MBP: variants seen among roughly 807,000 people sequenced by gnomAD.
MBP encodes the protein Golli-MBP.
A neutral mutation model predicts 35.8 loss-of-function variants in MBP; 16 were observed. That is an observed-to-expected ratio of 0.45 (90% CI 0.30 to 0.68). The LOEUF is 0.68. Ranked by LOEUF, MBP falls within the 30% of genes least tolerant of loss-of-function variation. MBP has a pLI of 0.08. For missense variants in MBP, 380 were observed against 404.7 expected (o/e 0.94, Z 0.52); for synonymous variants, 143 against 159.6 (o/e 0.90, Z 0.78).
chr18:77,014,976 G>T (rs1194521835), intron 4 of MBP: 1 of 984,788 alleles, frequency 1.0e-6, no homozygotes, highest in African/African-American at 1.7e-5. Flanking sequence ...ATGGGTCCTT[G>T]ATAATTGGCC....
At position 77,048,647 on chromosome 18, in the gene MBP, TGA is replaced by T. The variant is rs565364854; in HGVS notation, c.139+17649_139+17650del. On this transcript the variant is annotated intron_variant, in intron 3 of 8. Coordinates refer to ENST00000355994, the MANE Select transcript of MBP (RefSeq NM_001025101.2). ...GCCGGCTAATTTTTGTATTTTTAGT[TGA>T]GACGGGGTTTCACCATGTTGGTCAG... Among the ~76,000 whole-genome samples, 276 of 151,968 alleles carry T rather than the reference TGA, an allele frequency of 1.8e-3. 1 individual carries two copies. The highest frequency in any genetic ancestry group is 6.4e-3 in the African/African-American group (264 of 41,436).
chr18:77,130,754 C>T (rs376470788), intron 1 of MBP, among the ~76,000 whole-genome samples: 2 of 151,686 alleles, frequency 1.3e-5, no homozygotes, highest in South Asian at 4.2e-4. Flanking sequence ...CTAGGACCAC[C>T]ACTGACCAAA....
chr18:77,131,077 ACGCACG>A lies in MBP; in HGVS notation c.-26+1497_-26+1502del, dbSNP rs372586722. Among the ~76,000 whole-genome samples, 25,912 of 132,946 alleles carry A rather than the reference ACGCACG, an allele frequency of 0.19. 2,644 individuals carry two copies. Among genetic ancestry groups the A allele is most frequent in the Middle Eastern group, 0.27 (76 of 282 alleles). The allele number at this position is 132,946 out of a possible 152,430, so 87.2% of individuals were successfully genotyped here. Reference sequence around the variant, plus strand: ...AAAAACAAAACACACACACGCGCGCACGCACGCGCACACACACACACACACACACAC... The same window carrying A: ...AAAAACAAAACACACACACGCGCGCACGCACACACACACACACACACACAC... On this transcript the variant is annotated intron_variant, in intron 1 of 8. Coordinates refer to ENST00000355994, the MANE Select transcript of MBP (RefSeq NM_001025101.2). The surrounding 1 kb of genome is among the most constrained non-coding windows in gnomAD (Gnocchi z 5.5).
chr18:77,029,476 A>G (rs1416847427), intron 3 of MBP, among the ~76,000 whole-genome samples: 3 of 139,586 alleles, frequency 2.1e-5, no homozygotes, highest in Non-Finnish European at 3.1e-5. Flanking sequence ...GAGGGACCCC[A>G]GCTAATTTTT....
rs1163421846 is a variant in MBP at position 76,987,982 on chromosome 18, C to G, written c.750+513G>C. On this transcript the variant is annotated intron_variant, in intron 7 of 8. Coordinates refer to ENST00000355994, the MANE Select transcript of MBP (RefSeq NM_001025101.2). ...GTTTTAATTATTATTTAAACACATA[C>G]AAAACAAAAATCTTTGGATTAATGA... 14 of 1,249,802 alleles carry G rather than the reference C, an allele frequency of 1.1e-5. No individual in the cohort carries two copies. The East Asian group carries it at 5.5e-4, about 49-fold the overall frequency. 77.4% of individuals were successfully genotyped at this position (1,249,802 alleles called of 1,614,324 possible).
At chr18:77,079,156 G>C (rs551496302) in intron 2 of MBP, among the ~76,000 whole-genome samples, 12 of 152,378 alleles carry the variant, frequency 7.9e-5, no homozygotes, top group Non-Finnish European at 1.5e-4. Context: ...AGAGTGGCTG[G>C]TAAAGGGTCT....
At chr18:77,072,213 A>G (rs1195680103) in intron 2 of MBP, among the ~76,000 whole-genome samples, 1 of 152,132 alleles carries the variant, frequency 6.6e-6, no homozygotes. Flanking sequence ...AAATCTGAAT[A>G]TGGCCTGGTG....
chr18:77,030,395 G>C (rs1288503619), intron 3 of MBP, among the ~76,000 whole-genome samples: 1 of 152,142 alleles, frequency 6.6e-6, no homozygotes, highest in Non-Finnish European at 1.5e-5. Context: ...CTCCACACAG[G>C]GACGGGAAGG....
intron 4 of MBP, among the ~76,000 whole-genome samples, chr18:76,999,989 C>T (rs543817308): frequency 5.9e-5 from 9 of 152,040 alleles, no homozygotes; most frequent in South Asian, 2.1e-4. Context: ...GACACAGGGC[C>T]GCACCTTGTG....
intron 4 of MBP, among the ~76,000 whole-genome samples, chr18:77,008,445 TCA>T (rs1385782276): frequency 1.3e-5 from 2 of 152,102 alleles, no homozygotes; most frequent in Non-Finnish European, 2.9e-5. Flanking sequence ...AAGTGCGGCT[TCA>T]CAACCAGGAC....
rs58890565 is a variant in MBP, at chr18:77,081,499, T to C, written c.52-15114A>G. ...TAAGGAAATGCAAATCAAACCACCA[T>C]GAGATACCACCTATAGGATGGCTAG... is the stretch of plus-strand genomic sequence containing the variant. On this transcript the variant is annotated intron_variant, in intron 2 of 8. Transcript: ENST00000355994. 1.1e-3 allele frequency among the ~76,000 whole-genome samples: 166 copies of C among 152,104 alleles called. 1 individual carries two copies. The highest frequency in any genetic ancestry group is 3.9e-3 in the African/African-American group (161 of 41,490).
At chr18:77,010,789 T>C (rs1435665966) in intron 4 of MBP, among the ~76,000 whole-genome samples, 2 of 152,222 alleles carry the variant, frequency 1.3e-5, no homozygotes, top group East Asian at 3.8e-4. Flanking sequence ...GCTATATCAA[T>C]GAACTTTGAG....
At position 76,978,932 on chromosome 18, in the gene MBP, A is replaced by G. The variant is rs1969036304; in HGVS notation, c.*1495T>C. 1 of 152,210 alleles carries G rather than the reference A, an allele frequency of 6.6e-6. No individual in the cohort carries two copies. Among genetic ancestry groups the G allele is most frequent in the Non-Finnish European group, 1.5e-5 (1 of 68,044 alleles). 9.4% of individuals were successfully genotyped at this position (152,210 alleles called of 1,614,324 possible). A position where few individuals can be genotyped will look rare whatever the true frequency, so the allele number is the denominator to read the frequency against. On this transcript the variant is annotated 3_prime_UTR_variant, in exon 9 of 9. Transcript: ENST00000355994. Reference sequence around the variant, plus strand: ...ACGTGCTGTGTGGGTGCGGCCACGTATGGATCGCAGAGCCGACCTCAGCTC... The same window carrying G: ...ACGTGCTGTGTGGGTGCGGCCACGTGTGGATCGCAGAGCCGACCTCAGCTC...
intron 3 of MBP, among the ~76,000 whole-genome samples, chr18:77,021,704 C>T (rs757086421): frequency 6.6e-5 from 10 of 152,052 alleles, no homozygotes; most frequent in African/African-American, 2.4e-4. Context: ...AGGCTGGTCT[C>T]GAACTCCTGA....
At chr18:76,987,475 G>T (rs1246554438) in intron 7 of MBP, 3 of 985,298 alleles carry the variant, frequency 3.0e-6, no homozygotes, top group Admixed American at 6.2e-5. Flanking sequence ...GATCCTCATG[G>T]TCTCTCAAGT....
chr18:77,000,649 C>T (rs1322339933), intron 4 of MBP, among the ~76,000 whole-genome samples: 1 of 152,250 alleles, frequency 6.6e-6, no homozygotes, highest in Non-Finnish European at 1.5e-5. Context: ...CTGCGCACAG[C>T]ACCCAGGCTG....
At chr18:77,034,412 C>T (rs566871710) in intron 3 of MBP, among the ~76,000 whole-genome samples, 10 of 152,214 alleles carry the variant, frequency 6.6e-5, no homozygotes, top group East Asian at 1.9e-4. Context: ...GCCTGGAGAC[C>T]GGGAGTGCAG....
intron 2 of MBP, among the ~76,000 whole-genome samples, chr18:77,071,861 G>A (rs1411548799): frequency 1.3e-5 from 2 of 152,216 alleles, no homozygotes; most frequent in African/African-American, 4.8e-5. Flanking sequence ...TCACACTGGA[G>A]AGTGTCAATG....
intron 3 of MBP, among the ~76,000 whole-genome samples, chr18:77,063,632 G>A (rs975112432): frequency 3.3e-5 from 5 of 152,170 alleles, no homozygotes; most frequent in African/African-American, 1.2e-4. Context: ...AACACAACAG[G>A]CAGAAGTATT....
Sources: allele counts gnomAD v4.1 joint callset (sites outside exome capture counted in the v4.1 genomes callset), GRCh38; gene constraint gnomAD v4.1.1; non-coding constraint Gnocchi (gnomAD v3.1); transcripts MANE v1.5; gene names NCBI Gene and HGNC (gene_info 2026-07-23, HGNC 2026-07-21).